The following NTM variants were observed in gnomAD, a reference collection of about 807,000 sequenced individuals.
NTM encodes neurotrimin, also known as IgLON family member 2.
Under a neutral mutation model 42.1 loss-of-function variants are expected in NTM, and 13 were observed. The observed-to-expected ratio is 0.31, with a 90% CI of 0.20 to 0.49. The LOEUF is 0.49. Among genes scored for constraint, NTM ranks in the 20% least tolerant of loss-of-function variants. The pLI is 0.99. For synonymous variants in NTM, 187 were observed against 179.2 expected, an observed-to-expected ratio of 1.04 and a Z score of -0.35; for missense variants, 373 against 452.8, an observed-to-expected ratio of 0.82 and a Z score of 1.60.
intron 1 of NTM, among the ~76,000 whole-genome samples, chr11:131,724,964 G>A (rs77305036): frequency 2.0e-5 from 3 of 152,188 alleles, no homozygotes; most frequent in Non-Finnish European, 4.4e-5. Context: ...GGATGTTCAG[G>A]AGCCATGGGG....
chr11:131,795,437 A>G, intron 1 of NTM: 1 of 985,400 alleles, frequency 1.0e-6, no homozygotes, highest in African/African-American at 1.7e-5. Context: ...TATTGGTATA[A>G]AGTCAAATGC....
chr11:131,551,659 G>A (rs2054684768), intron 1 of NTM, among the ~76,000 whole-genome samples: 1 of 152,186 alleles, frequency 6.6e-6, no homozygotes, highest in South Asian at 2.1e-4. Flanking sequence ...TTACCCAGGA[G>A]ACTGCCCTGT....
At chr11:132,285,544 A>G (rs1472513619) in intron 4 of NTM, among the ~76,000 whole-genome samples, 2 of 152,048 alleles carry the variant, frequency 1.3e-5, no homozygotes, top group Non-Finnish European at 2.9e-5. Context: ...GTTCAGGAGC[A>G]CCCAGATTGG....
At chr11:132,327,761 G>T (rs571466714) in intron 7 of NTM, among the ~76,000 whole-genome samples, 7 of 151,982 alleles carry the variant, frequency 4.6e-5, no homozygotes, top group African/African-American at 1.7e-4. Flanking sequence ...TTTTCTTCTT[G>T]TTGTATTTTC....
At chr11:131,375,468 G>A (rs1266418536) in intron 1 of NTM, among the ~76,000 whole-genome samples, 2 of 152,214 alleles carry the variant, frequency 1.3e-5, no homozygotes, top group South Asian at 4.1e-4. Flanking sequence ...GGGTCAAAGG[G>A]TACCATCCTA....
intron 2 of NTM, among the ~76,000 whole-genome samples, chr11:131,955,853 C>T (rs1048862232): frequency 3.3e-5 from 5 of 152,192 alleles, no homozygotes; most frequent in Non-Finnish European, 7.3e-5. Flanking sequence ...TTAAAAATAG[C>T]AGCAGAAAAT....
chr11:131,480,242 A>G (rs918451545), intron 1 of NTM, among the ~76,000 whole-genome samples: 2 of 151,960 alleles, frequency 1.3e-5, no homozygotes, highest in African/African-American at 4.8e-5. Flanking sequence ...TTTATCAGGA[A>G]TGATTGCAAG....
chr11:131,790,905 G>A lies in NTM; in HGVS notation c.83-120659G>A, dbSNP rs78068743. On this transcript the variant is annotated intron_variant, in intron 1 of 8. Transcript: ENST00000683400. ...ACTGCAAAGTTTGTTTTAATCATTC[G>A]GAAATATCTTTGGAGCAATCTCTAT... 1.3e-3 allele frequency among the ~76,000 whole-genome samples: 202 copies of A among 152,270 alleles called. 5 individuals are homozygous for A. In the East Asian group the frequency reaches 0.028, roughly 21 times the overall value.
At chr11:131,955,459 C>A (rs1734626224) in intron 2 of NTM, among the ~76,000 whole-genome samples, 1 of 151,988 alleles carries the variant, frequency 6.6e-6, no homozygotes, top group Non-Finnish European at 1.5e-5. Flanking sequence ...GAAAATGATG[C>A]CTCTTCAAGT....
chr11:132,174,467 A>G (rs992965611), intron 3 of NTM, among the ~76,000 whole-genome samples: 1 of 152,230 alleles, frequency 6.6e-6, no homozygotes, highest in Non-Finnish European at 1.5e-5. Context: ...CCAGGGTAAC[A>G]GAATCGATGC....
chr11:132,130,439 T>C (rs973103615), intron 2 of NTM, among the ~76,000 whole-genome samples: 2 of 152,210 alleles, frequency 1.3e-5, no homozygotes, highest in African/African-American at 4.8e-5. Flanking sequence ...GGAGCAATCA[T>C]GTTGCTAATT....
rs762220112 is a variant in NTM at position 131,693,398 on chromosome 11, C to T, written c.83-218166C>T. Among the ~76,000 whole-genome samples, 13 of 152,246 alleles carry T rather than the reference C, an allele frequency of 8.5e-5. 1 individual carries two copies. Among genetic ancestry groups the T allele is most frequent in the Middle Eastern group, 3.4e-3 (1 of 294 alleles). Reference sequence around the variant, plus strand: ...TGACGGATAGCAACCTTAGCCGGGACGGAGTTAAATCGCCAGGATAAGTCT... The same window carrying T: ...TGACGGATAGCAACCTTAGCCGGGATGGAGTTAAATCGCCAGGATAAGTCT... On this transcript the variant is annotated intron_variant, in intron 1 of 8. Coordinates refer to ENST00000683400, the MANE Select transcript of NTM (RefSeq NM_001352005.2).
intron 2 of NTM, among the ~76,000 whole-genome samples, chr11:131,978,471 GA>G (rs200526145): frequency 4.6e-5 from 7 of 151,756 alleles, no homozygotes; most frequent in African/African-American, 1.7e-4. Context: ...AAAGTCAGAA[GA>G]AAAAAAACAG....
chr11:131,453,555 A>G (rs1357648521), intron 1 of NTM, among the ~76,000 whole-genome samples: 3 of 152,078 alleles, frequency 2.0e-5, no homozygotes, highest in Non-Finnish European at 4.4e-5. Flanking sequence ...AAAAAATAAC[A>G]AAGAAAACAC....
chr11:131,487,344 A>G (rs1390199150), intron 1 of NTM, among the ~76,000 whole-genome samples: 3 of 152,238 alleles, frequency 2.0e-5, no homozygotes, highest in Admixed American at 6.5e-5. Flanking sequence ...CCAGGGCTTA[A>G]TGAATACTGG....
chr11:131,645,852 G>A (rs2065712607), intron 1 of NTM, among the ~76,000 whole-genome samples: 1 of 152,148 alleles, frequency 6.6e-6, no homozygotes, highest in Non-Finnish European at 1.5e-5. Context: ...CTAATGTTGG[G>A]GTTGAATCAA....
At chr11:132,318,561 A>G in intron 7 of NTM, among the ~76,000 whole-genome samples, 1 of 151,912 alleles carries the variant, frequency 6.6e-6, no homozygotes, top group East Asian at 1.9e-4. Flanking sequence ...ATCCCTTCCA[A>G]TTTTCTCACT....
intron 4 of NTM, among the ~76,000 whole-genome samples, chr11:132,237,400 G>C (rs2089210855): frequency 6.6e-6 from 1 of 152,106 alleles, no homozygotes; most frequent in Non-Finnish European, 1.5e-5. Flanking sequence ...CAGAGTTTCT[G>C]TCAGATTCAG....
chr11:132,331,169 C>A (rs1236506962), intron 8 of NTM, among the ~76,000 whole-genome samples: 1 of 152,218 alleles, frequency 6.6e-6, no homozygotes, highest in Non-Finnish European at 1.5e-5. Flanking sequence ...AAGATAGTTG[C>A]ATTTGAAGAC....
Sources: allele counts gnomAD v4.1 joint callset (sites outside exome capture counted in the v4.1 genomes callset), GRCh38; gene constraint gnomAD v4.1.1; transcripts MANE v1.5; gene names NCBI Gene and HGNC (gene_info 2026-07-23, HGNC 2026-07-21).